CCDC195: variants seen among roughly 807,000 people sequenced by gnomAD.
CCDC195 encodes coiled-coil domain-containing protein 195.
chr2:224,707,989 TCCCTCCCTC>T (rs1559320273), intron 2 of CCDC195, among the ~76,000 whole-genome samples: 16 of 45,314 alleles, frequency 3.5e-4, no homozygotes, highest in African/African-American at 7.8e-4. Flanking sequence ...CCTCCCTCCC[TCCCTCCCTC>T]CCTTCCTTCC....
chr2:224,709,775 C>T (rs1296173100), intron 2 of CCDC195, among the ~76,000 whole-genome samples, 198 bp downstream of exon 2: 2 of 152,190 alleles, frequency 1.3e-5, no homozygotes, highest in East Asian at 3.8e-4. Flanking sequence ...TTAGAGGCAT[C>T]TATTAGAGGG....
chr2:224,705,302 T>C (rs766883314), intron 2 of CCDC195, among the ~76,000 whole-genome samples: 2 of 152,174 alleles, frequency 1.3e-5, no homozygotes, highest in Non-Finnish European at 2.9e-5. Flanking sequence ...ATTTTAACTG[T>C]TTATATGGGC....
intron 1 of CCDC195, among the ~76,000 whole-genome samples, chr2:224,713,039 T>C (rs1479756300): frequency 1.3e-5 from 2 of 152,152 alleles, no homozygotes; most frequent in African/African-American, 4.8e-5. Flanking sequence ...CAGCTAATTT[T>C]TGTATTTTTA....
At chr2:224,714,430 C>T (rs894947331) in intron 1 of CCDC195, among the ~76,000 whole-genome samples, 2 of 151,908 alleles carry the variant, frequency 1.3e-5, no homozygotes, top group South Asian at 2.1e-4. Context: ...TGGAGCAAGG[C>T]GGTGGTTTTC....
chr2:224,716,095 G>T, intron 1 of CCDC195, 36 bp downstream of exon 1: 1 of 398,262 alleles, frequency 2.5e-6, no homozygotes, highest in South Asian at 1.3e-4. Flanking sequence ...TTTGCAAAAT[G>T]GGCACAGCCC....
chr2:224,715,113 G>C (rs916561522), intron 1 of CCDC195, among the ~76,000 whole-genome samples: 1 of 152,064 alleles, frequency 6.6e-6, no homozygotes, highest in Non-Finnish European at 1.5e-5. Flanking sequence ...ATTTTTAGTA[G>C]AGACAGGGTT....
chr2:224,715,424 C>T (rs947989382), intron 1 of CCDC195, among the ~76,000 whole-genome samples: 6 of 152,248 alleles, frequency 3.9e-5, no homozygotes, highest in African/African-American at 1.4e-4. Flanking sequence ...TATCAAACAT[C>T]GACTCTGTAT....
chr2:224,714,665 ATAT>A (rs1436055900), intron 1 of CCDC195, among the ~76,000 whole-genome samples: 2 of 152,136 alleles, frequency 1.3e-5, no homozygotes, highest in East Asian at 3.9e-4. Context: ...AACTAAGCAA[ATAT>A]TATAAATGTC....
chr2:224,712,072 C>T (rs887334674), intron 1 of CCDC195, among the ~76,000 whole-genome samples: 4 of 152,130 alleles, frequency 2.6e-5, no homozygotes, highest in African/African-American at 7.2e-5. Context: ...AGCAAAATTA[C>T]GTTTGTTTTT....
chr2:224,704,610 CTTT>C (rs55801561), intron 2 of CCDC195, among the ~76,000 whole-genome samples: 5 of 110,644 alleles, frequency 4.5e-5, no homozygotes, highest in Admixed American at 1.1e-4. Context: ...CTTTTCTTTT[CTTT>C]TTTTTTTTTT....
intron 2 of CCDC195, among the ~76,000 whole-genome samples, chr2:224,708,055 A>G (rs1689247927): frequency 7.7e-6 from 1 of 129,580 alleles, no homozygotes; most frequent in Non-Finnish European, 1.5e-5. Context: ...AGGTCTCACT[A>G]TGTTGCCCAG....
intron 1 of CCDC195, among the ~76,000 whole-genome samples, chr2:224,712,053 G>T (rs1689324591): frequency 6.6e-6 from 1 of 152,170 alleles, no homozygotes; most frequent in Non-Finnish European, 1.5e-5. Context: ...AGGAAATTAT[G>T]CTGATGATAG....
chr2:224,714,729 C>G (rs985239924), intron 1 of CCDC195, among the ~76,000 whole-genome samples: 1 of 152,030 alleles, frequency 6.6e-6, no homozygotes, highest in African/African-American at 2.4e-5. Flanking sequence ...CTATAGGTTA[C>G]TCTTTCACAG....
chr2:224,705,440 A>G (rs575287212), intron 2 of CCDC195, among the ~76,000 whole-genome samples: 1 of 152,368 alleles, frequency 6.6e-6, no homozygotes, highest in East Asian at 1.9e-4. Context: ...TTTGATTCTT[A>G]GAAATATTGA....
intron 2 of CCDC195, among the ~76,000 whole-genome samples, chr2:224,706,836 A>T (rs1174233734): frequency 6.6e-6 from 1 of 151,492 alleles, no homozygotes; most frequent in Non-Finnish European, 1.5e-5. Context: ...TTTATGATAA[A>T]CATTTAGTGC....
intron 1 of CCDC195, 135 bp downstream of exon 1, chr2:224,715,993 TCTA>T (rs1490457112): frequency 2.5e-6 from 1 of 396,180 alleles, no homozygotes; most frequent in East Asian, 3.6e-5. Context: ...TCACAGGTAA[TCTA>T]CTAGGAGGAA....
At chr2:224,711,503 C>G (rs1401053747) in intron 1 of CCDC195, among the ~76,000 whole-genome samples, 1 of 151,964 alleles carries the variant, frequency 6.6e-6, no homozygotes. Flanking sequence ...ACTTGGAGGT[C>G]TGGTGATTAT....
chr2:224,706,508 A>AC (rs1444227422), intron 2 of CCDC195, among the ~76,000 whole-genome samples: 77 of 106,836 alleles, frequency 7.2e-4, no homozygotes, highest in Non-Finnish European at 1.1e-3. Context: ...CCTGGCTGTA[A>AC]CTTTTTTTTT....
chr2:224,704,981 A>G (rs1178764608), intron 2 of CCDC195, among the ~76,000 whole-genome samples: 1 of 152,170 alleles, frequency 6.6e-6, no homozygotes, highest in Non-Finnish European at 1.5e-5. Context: ...CACTGGAATC[A>G]ATAAAATAAT....
Sources: gnomAD v4.1 joint callset for allele counts (sites outside exome capture counted in the v4.1 genomes callset) on GRCh38, gnomAD v4.1.1 for gene constraint, MANE v1.5 for transcripts, NCBI Gene and HGNC (gene_info 2026-07-23, HGNC 2026-07-21) for gene names.